The following DMD variants were observed in gnomAD, a reference collection of about 807,000 sequenced individuals.
The protein encoded by DMD is dystrophin, also known as mutant dystrophin.
A neutral mutation model predicts 330.1 loss-of-function variants in DMD; 63 were observed. The ratio of observed to expected loss-of-function variants is 0.19; its 90% confidence interval spans 0.16 to 0.24. The LOEUF (loss-of-function observed/expected upper bound fraction) is 0.24. Among genes scored for constraint, DMD ranks in the 10% least tolerant of loss-of-function variants. The pLI is 1.00. For synonymous variants in DMD, 1,223 were observed against 959.8 expected, an observed-to-expected ratio of 1.27 and a Z score of -5.07; for missense variants, 3,344 against 2,684.1, an observed-to-expected ratio of 1.25 and a Z score of -5.43.
chrX:32,716,767 C>T (rs1330997586), intron 7 of DMD, among the ~76,000 whole-genome samples: 1 of 110,885 alleles, frequency 9.0e-6, no homozygotes, highest in Admixed American at 9.7e-5. Context: ...CTGAGGTGGT[C>T]TCAGATGAAG....
chrX:32,827,556 G>A (rs1238936687), intron 4 of DMD, among the ~76,000 whole-genome samples: 1 of 110,989 alleles, frequency 9.0e-6, no homozygotes, highest in Non-Finnish European at 1.9e-5. Context: ...TGCCTGATAG[G>A]TAGTTTTTCT....
At chrX:31,819,882 A>G (rs2092715465) in intron 50 of DMD, 93 bp downstream of exon 50, 2 of 727,835 alleles carry the variant, frequency 2.7e-6, no homozygotes, top group South Asian at 4.4e-5. Flanking sequence ...TTTAGAATTG[A>G]AACAAATTTT....
At chrX:31,204,453 T>G (rs1474403408) in intron 66 of DMD, among the ~76,000 whole-genome samples, 3 of 111,897 alleles carry the variant, frequency 2.7e-5, no homozygotes, top group African/African-American at 9.7e-5. Flanking sequence ...CATCAAAAAA[T>G]AAGTGTTTTA....
At chrX:31,196,357 G>A (rs930702968) in intron 67 of DMD, among the ~76,000 whole-genome samples, 2 of 110,861 alleles carry the variant, frequency 1.8e-5, no homozygotes, top group Non-Finnish European at 3.8e-5. Flanking sequence ...CCAAATTGTA[G>A]TAACTCTTAC....
chrX:32,841,745 T>C (rs1021404767), intron 4 of DMD, among the ~76,000 whole-genome samples: 7 of 112,212 alleles, frequency 6.2e-5, no homozygotes, highest in Non-Finnish European at 1.1e-4. Flanking sequence ...AATGGTTCTA[T>C]AGATAATAAC....
At chrX:31,515,305 T>C (rs2072079107) in intron 55 of DMD, among the ~76,000 whole-genome samples, 1 of 111,795 alleles carries the variant, frequency 8.9e-6, no homozygotes, top group Non-Finnish European at 1.9e-5. Flanking sequence ...AATGGAATTA[T>C]TGGTCTCTAA....
intron 76 of DMD, among the ~76,000 whole-genome samples, chrX:31,138,057 C>T (rs2035482620): frequency 8.9e-6 from 1 of 111,761 alleles, no homozygotes; most frequent in African/African-American, 3.3e-5. Context: ...CGGATTTGGC[C>T]ACATAACCTG....
intron 9 of DMD, among the ~76,000 whole-genome samples, chrX:32,668,647 T>C (rs945332929): frequency 9.0e-6 from 1 of 111,616 alleles, no homozygotes; most frequent in Non-Finnish European, 1.9e-5. Flanking sequence ...CTGATACTTA[T>C]TTTATCATGT....
intron 44 of DMD, among the ~76,000 whole-genome samples, chrX:32,201,586 G>C (rs1425040154): frequency 9.2e-6 from 1 of 108,264 alleles, no homozygotes; most frequent in Non-Finnish European, 1.9e-5. Context: ...TGGGTTTTGA[G>C]AACTATATCA....
At chrX:32,856,858 G>T (rs2081609138) in intron 2 of DMD, among the ~76,000 whole-genome samples, 1 of 111,600 alleles carries the variant, frequency 9.0e-6, no homozygotes, top group South Asian at 3.8e-4. Flanking sequence ...GGCGGATCAT[G>T]AGGTCAGGAG....
chrX:32,462,340 T>A, intron 25 of DMD, among the ~76,000 whole-genome samples: 1 of 112,055 alleles, frequency 8.9e-6, no homozygotes, highest in Non-Finnish European at 1.9e-5. Flanking sequence ...CTCACCGATT[T>A]TAGGATTCCA....
intron 1 of DMD, among the ~76,000 whole-genome samples, chrX:33,311,426 T>C: frequency 9.0e-6 from 1 of 110,842 alleles, no homozygotes. Flanking sequence ...TAGGGTCATG[T>C]AAAATGAGAT....
At chrX:31,628,047 A>G (rs1427745768) in intron 54 of DMD, among the ~76,000 whole-genome samples, 185 bp from the exon 55 acceptor site, 1 of 111,447 alleles carries the variant, frequency 9.0e-6, no homozygotes, top group Non-Finnish European at 1.9e-5. Flanking sequence ...TTTCATTTTT[A>G]TTTAACTTAA....
At chrX:32,804,711 T>C (rs1449889024) in intron 7 of DMD, among the ~76,000 whole-genome samples, 1 of 112,019 alleles carries the variant, frequency 8.9e-6, no homozygotes, top group East Asian at 2.8e-4. Flanking sequence ...GACAGACACA[T>C]CATACAGGAG....
chrX:32,375,338 C>T (rs1036417572), intron 34 of DMD, among the ~76,000 whole-genome samples: 12 of 112,365 alleles, frequency 1.1e-4, no homozygotes, highest in African/African-American at 3.9e-4. Flanking sequence ...GCTCAATCAG[C>T]AGGAGAATCT....
intron 43 of DMD, among the ~76,000 whole-genome samples, chrX:32,273,824 G>A (rs1316507167): frequency 8.9e-6 from 1 of 111,942 alleles, no homozygotes; most frequent in Non-Finnish European, 1.9e-5. Flanking sequence ...CAACATATCT[G>A]CCTTGGCTGC....
At chrX:31,763,215 A>T (rs1408547816) in intron 51 of DMD, among the ~76,000 whole-genome samples, 1 of 112,748 alleles carries the variant, frequency 8.9e-6, no homozygotes, top group Non-Finnish European at 1.9e-5. Context: ...TTACAAGAAA[A>T]TATATAGTTA....
At position 33,338,019 on chromosome X, in the gene DMD, G is replaced by A. The variant is rs751431681; in HGVS notation, c.7+1240C>T. On this transcript the variant is annotated intron_variant, in intron 1 of 17. Coordinates refer to the DMD transcript ENST00000288447. ...TATGGAGGAGACTGGGTAGAGAGCC[G>A]AAAGATTCTGTATTACATAGACAGT... 5.4e-5 allele frequency among the ~76,000 whole-genome samples: 6 copies of A among 111,996 alleles called. No individual in the cohort carries two copies. The East Asian group carries it at 1.1e-3, about 21-fold the overall frequency.
intron 61 of DMD, among the ~76,000 whole-genome samples, chrX:31,325,446 C>CAAAAAA (rs386416849): frequency 3.9e-5 from 2 of 51,064 alleles, no homozygotes; most frequent in African/African-American, 7.3e-5. Flanking sequence ...CTAAAAATAC[C>CAAAAAA]AAAAAAAAAA....
Sources: gnomAD v4.1 joint callset for allele counts (sites outside exome capture counted in the v4.1 genomes callset) on GRCh38, gnomAD v4.1.1 for gene constraint, MANE v1.5 for transcripts, NCBI Gene and HGNC (gene_info 2026-07-23, HGNC 2026-07-21) for gene names.